Variants in KRT73 observed in about 807,000 individuals in gnomAD.
KRT73 encodes the protein keratin, type II cytoskeletal 73.
KRT73 carries 44 observed loss-of-function variants against 47.2 expected under a neutral mutation model. The observed-to-expected ratio is 0.93, with a 90% CI of 0.73 to 1.20. KRT73 has a LOEUF of 1.20. Among genes scored for constraint, KRT73 ranks in the 50% most tolerant of loss-of-function variants. KRT73 has a pLI of 0.00. For missense variants in KRT73, 713 were observed against 704.5 expected, an observed-to-expected ratio of 1.01 and a Z score of -0.14; for synonymous variants, 285 against 291.3, an observed-to-expected ratio of 0.98 and a Z score of 0.22.
chr12:52,626,091 A>C, the KRT73 span, among the ~76,000 whole-genome samples: 1 of 152,192 alleles, frequency 6.6e-6, no homozygotes, highest in African/African-American at 2.4e-5. Flanking sequence ...AATTGTATAA[A>C]TGTCAATATC....
At chr12:52,614,187 G>A (rs1940762761) in intron 4 of KRT73, 1 of 341,142 alleles carries the variant, frequency 2.9e-6, no homozygotes, top group Non-Finnish European at 5.3e-6. Flanking sequence ...AATAGGTTGA[G>A]GCTTGAAACC....
chr12:52,610,531 C>CG, intron 7 of KRT73, 84 bp downstream of exon 7: 19 of 179,020 alleles, frequency 1.1e-4, no homozygotes, highest in South Asian at 4.5e-4. Flanking sequence ...AGCTCGCCGC[C>CG]CCCTCCCCCC....
chr12:52,622,430 A>T (rs1940920991), upstream of KRT73, among the ~76,000 whole-genome samples: 2 of 152,190 alleles, frequency 1.3e-5, no homozygotes, highest in African/African-American at 4.8e-5. Context: ...TCTCCTCCCC[A>T]TATATGCCTA....
chr12:52,610,498 G>C, intron 7 of KRT73, 117 bp downstream of exon 7: 1 of 929,208 alleles, frequency 1.1e-6, no homozygotes, highest in Non-Finnish European at 1.7e-6. Context: ...AACTATGCTT[G>C]TGGGTGAAGT....
chr12:52,623,021 A>G (rs937795102), upstream of KRT73, among the ~76,000 whole-genome samples: 2 of 152,150 alleles, frequency 1.3e-5, no homozygotes, highest in Non-Finnish European at 2.9e-5. Context: ...CAGTCAAGTC[A>G]CTGGGGTTCA....
At position 52,608,130 on chromosome 12, in the gene KRT73, CT is replaced by C; in HGVS notation, c.*65del. 6.6e-7 allele frequency: 1 copy of C among 1,516,888 alleles called. No homozygotes were observed. The highest frequency in any genetic ancestry group is 8.9e-7 in the Non-Finnish European group (1 of 1,123,448). The allele number at this position is 1,516,888 out of a possible 1,614,324, so 94.0% of individuals were successfully genotyped here. On this transcript the variant is annotated 3_prime_UTR_variant, in exon 9 of 9. Coordinates refer to ENST00000305748, the MANE Select transcript of KRT73 (RefSeq NM_175068.3). ...AGGACAAATGAGACAGAGGAATTTC[CT>C]AGAAGAGTCCGGAGCAGTCTGCCAG...
At chr12:52,613,205 C>G (rs754036637) in intron 5 of KRT73, among the ~76,000 whole-genome samples, 1 of 152,194 alleles carries the variant, frequency 6.6e-6, no homozygotes, top group Non-Finnish European at 1.5e-5. Context: ...CCACCCACTA[C>G]CATTAGGGGA....
the KRT73 span, among the ~76,000 whole-genome samples, chr12:52,626,101 C>T: frequency 6.6e-6 from 1 of 152,148 alleles, no homozygotes; most frequent in Non-Finnish European, 1.5e-5. Flanking sequence ...ATGTCAATAT[C>T]CTGGTTGTGA....
chr12:52,614,019 C>T (rs1015257151), intron 4 of KRT73, 167 bp from the exon 5 acceptor site: 1 of 968,444 alleles, frequency 1.0e-6, no homozygotes, highest in South Asian at 1.9e-5. Context: ...TCCAATACCA[C>T]ATCTGAAAAC....
intron 1 of KRT73, among the ~76,000 whole-genome samples, chr12:52,616,630 C>A (rs938611980): frequency 2.0e-5 from 3 of 152,162 alleles, no homozygotes; most frequent in African/African-American, 7.2e-5. Flanking sequence ...CTCAAACTAT[C>A]AAGATCTAGA....
rs746640286 is a variant in KRT73 at position 52,618,305 on chromosome 12, C to T, written c.220G>A (p.Gly74Ser). ...GCAAAGCCACTGGCCCGGCCCCGGC[C>T]AAATCCATAGCCTCCTGCCCACCCA... ...GSGWAGGYGF[G>S]RGRASGFAGS... The change falls in exon 1 of 9, where the codon GGC (glycine) becomes AGC (serine). Residue 74 changes from glycine to serine, a missense_variant. Coordinates refer to ENST00000305748, the MANE Select transcript of KRT73 (RefSeq NM_175068.3). 17 of 1,614,230 alleles carry T rather than the reference C, an allele frequency of 1.1e-5. No individual in the cohort carries two copies. In the South Asian group the frequency reaches 1.6e-4, roughly 16 times the overall value.
rs1940629256 is a variant in KRT73, at chr12:52,608,409, A to T, written c.1410T>A (p.Ala470=). ...SSMAGMAGTG[A]GFGFSNAGTY... ...TGCCAGCATTGCTGAATCCAAAGCC[A>T]GCCCCTGTGCCTGCCATCCCGGCCA... Residue 470 remains alanine (A), a synonymous_variant, in exon 9 of 9, where the codon GCT becomes GCA. Coordinates refer to ENST00000305748, the MANE Select transcript of KRT73 (RefSeq NM_175068.3). 1 of 1,612,332 alleles carries T rather than the reference A, an allele frequency of 6.2e-7. No individual in the cohort carries two copies. The highest frequency in any genetic ancestry group is 8.5e-7 in the Non-Finnish European group (1 of 1,179,980).
upstream of KRT73, chr12:52,618,701 G>A (rs1940861628): frequency 1.6e-6 from 1 of 639,970 alleles, no homozygotes; most frequent in Admixed American, 3.2e-5. Context: ...TCAGACACCA[G>A]GTAAATGACT....
chr12:52,621,344 C>A (rs1940902800), upstream of KRT73, among the ~76,000 whole-genome samples: 1 of 151,274 alleles, frequency 6.6e-6, no homozygotes, highest in Non-Finnish European at 1.5e-5. Flanking sequence ...AATCAACTTT[C>A]TGTCACCCCC....
chr12:52,617,359 G>A (rs1393969939), intron 1 of KRT73, among the ~76,000 whole-genome samples: 2 of 152,192 alleles, frequency 1.3e-5, no homozygotes, highest in Admixed American at 6.5e-5. Flanking sequence ...TTGTTAAAAT[G>A]CAGGGTGCTG....
At position 52,614,594 on chromosome 12, in the gene KRT73, C is replaced by A. The variant is rs1451343188; in HGVS notation, c.804G>T (p.Lys268Asn). The change falls in exon 4 of 9, where the codon AAG becomes AAT. Residue 268 changes from lysine to asparagine, a missense_variant. Coordinates refer to ENST00000305748, the MANE Select transcript of KRT73 (RefSeq NM_175068.3). Reference sequence around the variant, plus strand: ...GGAGCCTTACCCCCTCGTACAGACACTTGAAGAACTTGATTTCTCCATCCA... The same window carrying A: ...GGAGCCTTACCCCCTCGTACAGACAATTGAAGAACTTGATTTCTCCATCCA... ...DALDGEIKFFKCLYEGETAQI... is the reference protein window; with the variant it reads ...DALDGEIKFFNCLYEGETAQI... The A allele has an allele frequency of 3.7e-6, 6 of 1,613,980 alleles. No individual in the cohort carries two copies. The South Asian group carries it at 6.6e-5, about 18-fold the overall frequency.
At chr12:52,630,651 C>A in the KRT73 span, among the ~76,000 whole-genome samples, 1 of 152,194 alleles carries the variant, frequency 6.6e-6, no homozygotes, top group Non-Finnish European at 1.5e-5. Flanking sequence ...CACTCTCCCC[C>A]CTCCAAAGGC....
chr12:52,622,840 A>C (rs1940925011), upstream of KRT73, among the ~76,000 whole-genome samples: 1 of 152,228 alleles, frequency 6.6e-6, no homozygotes, highest in African/African-American at 2.4e-5. Context: ...TAAAAAACTC[A>C]ATGGATACAC....
chr12:52,619,401 A>T (rs1425814122), upstream of KRT73, among the ~76,000 whole-genome samples: 1 of 152,220 alleles, frequency 6.6e-6, no homozygotes, highest in African/African-American at 2.4e-5. Context: ...GGTTCAGATA[A>T]TTGAGGATGT....
Sources: gnomAD v4.1 joint callset for allele counts (sites outside exome capture counted in the v4.1 genomes callset) on GRCh38, gnomAD v4.1.1 for gene constraint, MANE v1.5 for transcripts, NCBI Gene and HGNC (gene_info 2026-07-23, HGNC 2026-07-21) for gene names.